The following TOGARAM2 variants were observed in gnomAD, a reference collection of about 807,000 sequenced individuals.
TOGARAM2 encodes TOG array regulator of axonemal microtubules protein 2.
In TOGARAM2, 85 loss-of-function variants were observed where a neutral mutation model predicts 93.3. The ratio of observed to expected loss-of-function variants is 0.91; its 90% confidence interval spans 0.76 to 1.09. The LOEUF (loss-of-function observed/expected upper bound fraction) is 1.09. Among genes scored for constraint, TOGARAM2 ranks in the 50% least tolerant of loss-of-function variants. The pLI is 0.00. For synonymous variants in TOGARAM2, 593 were observed against 552.8 expected (o/e 1.07, Z -1.02); for missense variants, 1,277 against 1,334.5 (o/e 0.96, Z 0.67).
chr2:29,030,094 T>C (rs1354056484), intron 14 of TOGARAM2, among the ~76,000 whole-genome samples: 1 of 152,078 alleles, frequency 6.6e-6, no homozygotes, highest in Non-Finnish European at 1.5e-5. Context: ...GGCAACACAG[T>C]GAAATCCTGT....
rs555349514 is a variant in TOGARAM2, at chr2:29,017,894, G to C, written c.1298G>C (p.Arg433Pro). The C allele has an allele frequency of 6.2e-7, 1 of 1,609,964 alleles. No individual in the cohort carries two copies. Among genetic ancestry groups the C allele is most frequent in the Non-Finnish European group, 8.5e-7 (1 of 1,177,198 alleles). ...ATCATCCTGAGGAAGTGGGCCAGCC[G>C]GGCCTCCCTGCCCAGCATCCCCATC... ...VSIILRKWAS[R>P]ASLPSIPISR... The change falls in exon 10 of 20, where the codon CGG (arginine) becomes CCG (proline). Residue 433 changes from arginine (R) to proline (P), a missense_variant. Arg to Pro is a moderately radical substitution (Grantham distance 103). Transcript: ENST00000379558.
Position 29,003,630 on chromosome 2 carries a change from C to T in TOGARAM2, c.778C>T (p.Pro260Ser). The T allele has an allele frequency of 1.3e-6, 2 of 1,593,560 alleles. No homozygotes were observed. Among genetic ancestry groups the T allele is most frequent in the Non-Finnish European group, 1.7e-6 (2 of 1,171,026 alleles). ...CCGTGTGCCTGGCTCCCTTCCCAGCCCGTTACCTCCAGGCCAGGGAGTCCT... is the reference window on the plus strand; with the variant it reads ...CCGTGTGCCTGGCTCCCTTCCCAGCTCGTTACCTCCAGGCCAGGGAGTCCT... ...PSRVPGSLPS[P>S]LPPGQGVLTG... Residue 260 changes from proline to serine, a missense_variant, in exon 6 of 20, where the codon CCG (proline) becomes TCG (serine). Pro to Ser is a moderately conservative substitution (Grantham distance 74). Coordinates refer to ENST00000379558, the MANE Select transcript of TOGARAM2 (RefSeq NM_199280.4).
At chr2:28,962,064 T>TA (rs561168458) in intron 1 of TOGARAM2, among the ~76,000 whole-genome samples, 355 of 152,074 alleles carry the variant, frequency 2.3e-3, no homozygotes, top group African/African-American at 8.0e-3. Flanking sequence ...TTCCAGAAAT[T>TA]AAAAAAAATC....
chr2:28,981,234 G>T (rs1458987553), upstream of TOGARAM2: 1 of 152,314 alleles, frequency 6.6e-6, no homozygotes, highest in African/African-American at 2.4e-5. Flanking sequence ...AAATCTCTCG[G>T]CTCGGTCTCT....
chr2:28,961,259 A>T lies in TOGARAM2; in HGVS notation c.-147+4562A>T, dbSNP rs1671801601. Among the ~76,000 whole-genome samples the T allele has an allele frequency of 2.0e-5, 3 of 152,120 alleles. 1 individual carries two copies. The highest frequency in any genetic ancestry group is 2.0e-4 in the Admixed American group (3 of 15,262). On this transcript the variant is annotated intron_variant, in intron 1 of 6. Transcript: ENST00000401723. ...CCAAGTGTCCTCAGTTTCCAGAGTG[A>T]CAAGAGACTGGCCCCAGCCATCAGA...
At chr2:29,002,246 G>C (rs907494908) in intron 4 of TOGARAM2, among the ~76,000 whole-genome samples, 17 of 152,174 alleles carry the variant, frequency 1.1e-4, no homozygotes, top group Non-Finnish European at 2.2e-4. Flanking sequence ...CCACGGCCAG[G>C]ACCTGCCATG....
intron 1 of TOGARAM2, among the ~76,000 whole-genome samples, chr2:28,967,823 T>TTTTTTG (rs1671888079): frequency 1.3e-5 from 2 of 148,178 alleles, no homozygotes; most frequent in Non-Finnish European, 3.0e-5. Context: ...TTTTTTTTTT[T>TTTTTTG]AGATGGAGTC....
intron 8 of TOGARAM2, among the ~76,000 whole-genome samples, chr2:29,016,770 G>A (rs552121597): frequency 6.6e-6 from 1 of 152,246 alleles, no homozygotes; most frequent in South Asian, 2.1e-4. Context: ...AACCAGCCAA[G>A]CACACCCGGC....
At chr2:28,962,485 T>G (rs919717473) in intron 1 of TOGARAM2, among the ~76,000 whole-genome samples, 1 of 152,138 alleles carries the variant, frequency 6.6e-6, no homozygotes, top group African/African-American at 2.4e-5. Flanking sequence ...ACATATTTAC[T>G]CGTGATTCTG....
chr2:28,996,402 C>T (rs1482431187), intron 2 of TOGARAM2, among the ~76,000 whole-genome samples: 2 of 152,190 alleles, frequency 1.3e-5, no homozygotes, highest in Non-Finnish European at 2.9e-5. Context: ...CCACCCCCTT[C>T]TCTTCCCAGT....
intron 11 of TOGARAM2, 84 bp from the exon 12 acceptor site, chr2:29,023,002 T>G: frequency 2.7e-6 from 3 of 1,106,566 alleles, no homozygotes; most frequent in South Asian, 1.4e-5. Flanking sequence ...CGTGATGGTG[T>G]GTGATGTGGG....
In TOGARAM2 at chr2:29,017,957, G is replaced by A; in HGVS notation, c.1360+1G>A. On this transcript the variant is annotated splice_donor_variant, in intron 10 of 19. Transcript: ENST00000379558. LOFTEE classifies it high-confidence loss of function. Reference sequence around the variant, plus strand: ...CCCCGCTTTGCCCGCCACGCCTCAGGTGGGCAGGCCCGACTGGCAGGCACA... The same window carrying A: ...CCCCGCTTTGCCCGCCACGCCTCAGATGGGCAGGCCCGACTGGCAGGCACA... The A allele has an allele frequency of 1.3e-6, 2 of 1,599,626 alleles. No individual in the cohort carries two copies. The highest frequency in any genetic ancestry group is 8.5e-7 in the Non-Finnish European group (1 of 1,172,144).
chr2:28,968,873 G>A (rs987981461), intron 1 of TOGARAM2, among the ~76,000 whole-genome samples: 1 of 112,440 alleles, frequency 8.9e-6, no homozygotes, highest in Non-Finnish European at 2.1e-5. Context: ...TGCCGAACGT[G>A]CTTCTGAGTG....
intron 6 of TOGARAM2, among the ~76,000 whole-genome samples, chr2:29,009,357 G>T (rs1185293258): frequency 6.6e-6 from 1 of 152,238 alleles, no homozygotes; most frequent in Non-Finnish European, 1.5e-5. Context: ...TGCCACCAAA[G>T]GCTTTCGGGT....
At chr2:28,959,514 A>G (rs1004280227) in intron 1 of TOGARAM2, among the ~76,000 whole-genome samples, 9 of 152,088 alleles carry the variant, frequency 5.9e-5, no homozygotes, top group South Asian at 4.1e-4. Context: ...AGCACTTTGG[A>G]AGGCCGAGGG....
rs1664431140 is a variant in TOGARAM2 at position 29,014,453 on chromosome 2, C to T, written c.936C>T (p.Ala312=). 6.2e-7 allele frequency: 1 copy of T among 1,607,528 alleles called. No individual in the cohort carries two copies. The highest frequency in any genetic ancestry group is 2.2e-5 in the East Asian group (1 of 44,584). The part of the protein sequence containing the change: ...RDRPAAAKKP[A]LPFSQSAPTL... Reference sequence around the variant, plus strand: ...GGCCTGCCGCTGCCAAGAAGCCTGCCCTGCCTTTTTCTCAGTCTGCTCCCA... The same window carrying T: ...GGCCTGCCGCTGCCAAGAAGCCTGCTCTGCCTTTTTCTCAGTCTGCTCCCA... Residue 312 remains alanine (A), a synonymous_variant, in exon 8 of 20, where the codon GCC becomes GCT. Transcript: ENST00000379558.
chr2:28,973,728 A>G lies in TOGARAM2; in HGVS notation c.-147+17031A>G, dbSNP rs187191493. The stretch of plus-strand genomic sequence containing the variant: ...TTTTTGTAGAGCTCAGAGTCTCATT[A>G]TGTTGCCCAGGCTGGTCTCAAACTC... On this transcript the variant is annotated intron_variant, in intron 1 of 6. Transcript: ENST00000401723. Among the ~76,000 whole-genome samples, 5 of 152,130 alleles carry G rather than the reference A, an allele frequency of 3.3e-5. No individual in the cohort carries two copies. In the East Asian group the frequency reaches 7.7e-4, roughly 24 times the overall value.
chr2:28,998,710 C>T (rs1172266187), intron 3 of TOGARAM2, among the ~76,000 whole-genome samples: 1 of 152,200 alleles, frequency 6.6e-6, no homozygotes, highest in Non-Finnish European at 1.5e-5. Flanking sequence ...AACCTCTTAC[C>T]TCCTCTAAAT....
chr2:29,001,856 CTT>C lies in TOGARAM2; in HGVS notation c.428-667_428-666del, dbSNP rs11324817. 2.1e-3 allele frequency among the ~76,000 whole-genome samples: 307 copies of C among 147,518 alleles called. 3 individuals carry two copies. The East Asian group carries it at 0.042, about 20-fold the overall frequency. The stretch of plus-strand genomic sequence containing the variant: ...CCAGAATGAAAGTTAAAATGCTAGT[CTT>C]TTTTTTTTTTTTATTCCTCATCACT... On this transcript the variant is annotated intron_variant, in intron 4 of 19. Coordinates refer to ENST00000379558, the MANE Select transcript of TOGARAM2 (RefSeq NM_199280.4).
Sources: allele counts gnomAD v4.1 joint callset (sites outside exome capture counted in the v4.1 genomes callset), GRCh38; gene constraint gnomAD v4.1.1; transcripts MANE v1.5; gene names NCBI Gene and HGNC (gene_info 2026-07-23, HGNC 2026-07-21).